The following COL5A1 variants were observed in gnomAD, a reference collection of about 807,000 sequenced individuals.
The protein encoded by COL5A1 is collagen alpha-1(V) chain.
In COL5A1, 16 loss-of-function variants were observed where a neutral mutation model predicts 263.7. That is an observed-to-expected ratio of 0.06 (90% CI 0.04 to 0.09). COL5A1 has a LOEUF of 0.09. Among genes scored for constraint, COL5A1 ranks in the 10% least tolerant of loss-of-function variants. COL5A1 has a pLI of 1.00. For synonymous variants in COL5A1, 1,012 were observed against 1,004.5 expected (o/e 1.01, Z -0.14); for missense variants, 2,036 against 2,540.5 (o/e 0.80, Z 4.27).
In COL5A1 at chr9:134,760,427, CCACACATGCA is replaced by C. The variant is rs1215186398; in HGVS notation, c.1936-1487_1936-1478del. On this transcript the variant is annotated intron_variant, in intron 18 of 65. Coordinates refer to ENST00000371817, the MANE Select transcript of COL5A1 (RefSeq NM_000093.5). ...ACACTCATACACACATGCACACACACCACACATGCACACACATGCATACACACCCACACAC... is the reference window on the plus strand; with the variant it reads ...ACACTCATACACACATGCACACACACCACACATGCATACACACCCACACAC... 3.5e-3 allele frequency among the ~76,000 whole-genome samples: 374 copies of C among 108,082 alleles called. 4 individuals are homozygous for C. Among genetic ancestry groups the C allele is most frequent in the Non-Finnish European group, 4.4e-3 (240 of 54,690 alleles). The allele number at this position is 108,082 out of a possible 152,430, so 70.9% of individuals were successfully genotyped here.
At chr9:134,828,754 CAT>C (rs556826001) in intron 63 of COL5A1, among the ~76,000 whole-genome samples, 28 of 99,000 alleles carry the variant, frequency 2.8e-4, no homozygotes, top group Non-Finnish European at 6.1e-4. Flanking sequence ...ACACCACGCA[CAT>C]GATACATACC....
Position 134,652,940 on chromosome 9 carries a change from C to T in COL5A1, c.109+10644C>T, listed in dbSNP as rs1345126517. ...TTCCCAGACCACGCGGATGCTGGAG[C>T]GTCTGGGGGTGCCACACTTTGCAAA... On this transcript the variant is annotated intron_variant, in intron 1 of 65. Transcript: ENST00000371817. This position sits in a 1 kb window ranked among gnomAD's most constrained non-coding sequence, Gnocchi z 4.4. The T allele has an allele frequency of 3.2e-5, 10 of 314,696 alleles. No homozygotes were observed. The highest frequency in any genetic ancestry group is 5.1e-5 in the South Asian group (2 of 39,166). 19.5% of individuals were successfully genotyped at this position (314,696 alleles called of 1,614,324 possible). A position where few individuals can be genotyped will look rare whatever the true frequency, so the allele number is the denominator to read the frequency against.
intron 39 of COL5A1, 74 bp downstream of exon 39, chr9:134,803,069 G>T (rs911078616): frequency 1.6e-6 from 2 of 1,238,644 alleles, no homozygotes; most frequent in Non-Finnish European, 2.3e-6. Context: ...TGTTTTTCTT[G>T]CCCTTTTCTG....
Position 134,818,706 on chromosome 9 carries a change from C to T in COL5A1, c.4281C>T (p.Pro1427=). 6.2e-7 allele frequency: 1 copy of T among 1,610,866 alleles called. No homozygotes were observed. Among genetic ancestry groups the T allele is most frequent in the Non-Finnish European group, 8.5e-7 (1 of 1,179,058 alleles). The part of the protein sequence containing the change: ...GPPGKTGPIG[P]QGAPGKPGPD... ...CTGGGAAGACTGGCCCCATCGGCCC[C>T]CAGGGGGCCCCTGGGAAGCCCGGAC... is the stretch of plus-strand genomic sequence containing the variant. The change falls in exon 55 of 66, where the codon CCC becomes CCT. Residue 1427 remains proline (P), a synonymous_variant. Transcript: ENST00000371817. The surrounding 1 kb of genome is among the most constrained non-coding windows in gnomAD (Gnocchi z 6.0).
chr9:134,829,362 C>G (rs1477852560), intron 63 of COL5A1, among the ~76,000 whole-genome samples: 1 of 148,840 alleles, frequency 6.7e-6, no homozygotes, highest in Non-Finnish European at 1.5e-5. Context: ...CAGGCTCATC[C>G]TCACGCGGCC....
Position 134,842,570 on chromosome 9 carries a change from C to T in COL5A1, c.*267C>T, listed in dbSNP as rs12722. The T allele has an allele frequency of 0.49, 276,068 of 566,286 alleles. 72,993 individuals carry two copies. The highest frequency in any genetic ancestry group is 0.56 in the Non-Finnish European group (177,826 of 315,834). The allele number at this position is 566,286 out of a possible 1,614,324, so 35.1% of individuals were successfully genotyped here. A position where few individuals can be genotyped will look rare whatever the true frequency, so the allele number is the denominator to read the frequency against. ...CCGCCCCACGCTCTGTCCACACCCA[C>T]GCGCCCCGGGAGCGGGGCCATGCCT... On this transcript the variant is annotated 3_prime_UTR_variant, in exon 66 of 66. Transcript: ENST00000371817. This position sits in a 1 kb window ranked among gnomAD's most constrained non-coding sequence, Gnocchi z 5.8.
chr9:134,757,566 C>T lies in COL5A1; in HGVS notation c.1882-677C>T, dbSNP rs1274472110. 2.0e-5 allele frequency among the ~76,000 whole-genome samples: 3 copies of T among 152,150 alleles called. No individual in the cohort carries two copies. Among genetic ancestry groups the T allele is most frequent in the Non-Finnish European group, 4.4e-5 (3 of 68,026 alleles). On this transcript the variant is annotated intron_variant, in intron 17 of 65. Coordinates refer to ENST00000371817, the MANE Select transcript of COL5A1 (RefSeq NM_000093.5). This position sits in a 1 kb window ranked among gnomAD's most constrained non-coding sequence, Gnocchi z 6.2. ...AGCTCTGAAGTGCATCCCGTCAGTC[C>T]CAAGCTAGTGAGGTGGCCTGGGGTG...
chr9:134,663,585 G>A (rs1039648022), intron 1 of COL5A1, among the ~76,000 whole-genome samples: 1 of 152,098 alleles, frequency 6.6e-6, no homozygotes, highest in Non-Finnish European at 1.5e-5. Context: ...AGTCATTTTG[G>A]AAAACACCAA....
At position 134,835,138 on chromosome 9, in the gene COL5A1, C is replaced by A. The variant is rs1283565152; in HGVS notation, c.5304C>A (p.Gly1768=). The change falls in exon 65 of 66, where the codon GGC becomes GGA. Residue 1768 remains glycine (G), a synonymous_variant. Coordinates refer to ENST00000371817, the MANE Select transcript of COL5A1 (RefSeq NM_000093.5). ...GSYDKALRFL[G]SNDEEMSYDN... ...ACGACAAGGCCCTCCGCTTCCTGGG[C>A]TCCAACGACGAGGAGATGTCCTATG... 4 of 1,613,880 alleles carry A rather than the reference C, an allele frequency of 2.5e-6. No individual in the cohort carries two copies. In the South Asian group the frequency reaches 4.4e-5, roughly 18 times the overall value.
rs1226595197 is a variant in COL5A1, at chr9:134,794,115, CAA to C, written c.2701-966_2701-965del. On this transcript the variant is annotated intron_variant, in intron 32 of 65. Coordinates refer to ENST00000371817, the MANE Select transcript of COL5A1 (RefSeq NM_000093.5). The surrounding 1 kb of genome is among the most constrained non-coding windows in gnomAD (Gnocchi z 4.3). ...GGCTGAGGCGGGTGAATCACGAGGT[CAA>C]GAGATCGAGACCATCCTTGCCAACA... Among the ~76,000 whole-genome samples, 2 of 152,124 alleles carry C rather than the reference CAA, an allele frequency of 1.3e-5. No homozygotes were observed. Among genetic ancestry groups the C allele is most frequent in the Non-Finnish European group, 2.9e-5 (2 of 68,024 alleles).
rs1032017865 is a variant in COL5A1, at chr9:134,780,141, G to A, written c.2425G>A (p.Glu809Lys). 11 of 1,613,208 alleles carry A rather than the reference G, an allele frequency of 6.8e-6. No individual in the cohort carries two copies. The highest frequency in any genetic ancestry group is 2.7e-5 in the African/African-American group (2 of 74,914). The change falls in exon 28 of 66, where the codon GAG becomes AAG. Residue 809 changes from glutamate (E) to lysine (K), a missense_variant. Around this residue, in one of 3 missense-constraint regions of COL5A1, gnomAD observed 1,078 missense variants for 1,521.4 expected, o/e 0.71. Coordinates refer to ENST00000371817, the MANE Select transcript of COL5A1 (RefSeq NM_000093.5). ...GIRGLKGTKG[E>K]KGEDGFPGFK... Reference sequence around the variant, plus strand: ...CCGTGGTCTGAAGGGCACAAAGGGCGAGAAGGTAAGTCTCTCCTTGCAGCC... The same window carrying A: ...CCGTGGTCTGAAGGGCACAAAGGGCAAGAAGGTAAGTCTCTCCTTGCAGCC...
chr9:134,745,945 TC>T (rs1331237804), intron 11 of COL5A1, among the ~76,000 whole-genome samples: 2 of 152,002 alleles, frequency 1.3e-5, no homozygotes, highest in Admixed American at 6.5e-5. Flanking sequence ...CACCCAGCCC[TC>T]CCCTGTGTCT....
chr9:134,730,602 C>G (rs1053196858), intron 7 of COL5A1, 127 bp downstream of exon 7: 5 of 1,332,540 alleles, frequency 3.8e-6, no homozygotes, highest in Non-Finnish European at 5.3e-6. Flanking sequence ...CCCCTGTGTT[C>G]CACCACACCC....
intron 1 of COL5A1, among the ~76,000 whole-genome samples, chr9:134,666,335 G>A (rs903632885): frequency 6.6e-6 from 1 of 152,202 alleles, no homozygotes; most frequent in Non-Finnish European, 1.5e-5. Context: ...AACTGGCACG[G>A]GGTCCCTGGG....
At chr9:134,648,775 A>G (rs1183209871) in intron 1 of COL5A1, among the ~76,000 whole-genome samples, 1 of 151,978 alleles carries the variant, frequency 6.6e-6, no homozygotes, top group Non-Finnish European at 1.5e-5. Context: ...TACGCAGGAG[A>G]AAAGGTAAGG....
intron 6 of COL5A1, among the ~76,000 whole-genome samples, chr9:134,729,286 G>A (rs368709927): frequency 1.2e-4 from 18 of 152,312 alleles, no homozygotes; most frequent in African/African-American, 4.3e-4. Context: ...GTGAGGGTGC[G>A]TGAGCGGCAG....
chr9:134,683,125 C>T (rs533528001), intron 1 of COL5A1, among the ~76,000 whole-genome samples: 8 of 152,296 alleles, frequency 5.3e-5, no homozygotes, highest in Admixed American at 3.3e-4. Flanking sequence ...AGCAGAGTGG[C>T]ACGCCAGGCT....
chr9:134,794,337 A>AG lies in COL5A1; in HGVS notation c.2701-744dup, dbSNP rs397825040. On this transcript the variant is annotated intron_variant, in intron 32 of 65. Transcript: ENST00000371817. This position sits in a 1 kb window ranked among gnomAD's most constrained non-coding sequence, Gnocchi z 4.3. Reference sequence around the variant, plus strand: ...AGACTCTGTCTAAAAAAAAAAAAAAAGAAACAAAAAAGAAACCAGTCAAGT... The same window carrying AG: ...AGACTCTGTCTAAAAAAAAAAAAAAAGGAAACAAAAAAGAAACCAGTCAAGT... Among the ~76,000 whole-genome samples, 4 of 148,046 alleles carry AG rather than the reference A, an allele frequency of 2.7e-5. No homozygotes were observed. Among genetic ancestry groups the AG allele is most frequent in the African/African-American group, 9.9e-5 (4 of 40,364 alleles).
chr9:134,663,739 A>G (rs1832277595), intron 1 of COL5A1, among the ~76,000 whole-genome samples: 1 of 152,228 alleles, frequency 6.6e-6, no homozygotes, highest in Non-Finnish European at 1.5e-5. Context: ...CTCTGCCCTG[A>G]GGACTTGGAC....
Sources: allele counts gnomAD v4.1 joint callset (sites outside exome capture counted in the v4.1 genomes callset), GRCh38; gene constraint gnomAD v4.1.1; regional missense constraint gnomAD v4.1.1; non-coding constraint Gnocchi (gnomAD v3.1); transcripts MANE v1.5; gene names NCBI Gene and HGNC (gene_info 2026-07-23, HGNC 2026-07-21).